Variants in SYN3 observed in about 807,000 individuals in gnomAD.
The protein encoded by SYN3 is synapsin III.
In SYN3, 35 loss-of-function variants were observed where a neutral mutation model predicts 65.8. The ratio of observed to expected loss-of-function variants is 0.53; its 90% CI spans 0.41 to 0.70. SYN3 has a LOEUF of 0.70. Ranked by LOEUF, SYN3 falls within the 30% of genes least tolerant of loss-of-function variation. The pLI is 0.00. For synonymous variants in SYN3, 270 were observed against 292.9 expected, an observed-to-expected ratio of 0.92 and a Z score of 0.80; for missense variants, 680 against 749.0, an observed-to-expected ratio of 0.91 and a Z score of 1.08.
intron 1 of SYN3, among the ~76,000 whole-genome samples, chr22:33,031,898 C>A (rs1429270640): frequency 6.6e-6 from 1 of 152,064 alleles, no homozygotes; most frequent in Non-Finnish European, 1.5e-5. Flanking sequence ...GCACAATGGA[C>A]CAACATTAAT....
At chr22:32,817,198 A>AT (rs2047109554) in intron 6 of SYN3, among the ~76,000 whole-genome samples, 1 of 151,592 alleles carries the variant, frequency 6.6e-6, no homozygotes. Flanking sequence ...AGCCAGGGTG[A>AT]CAGAGCAAGA....
At chr22:32,690,864 G>A (rs1378024234) in intron 6 of SYN3, among the ~76,000 whole-genome samples, 3 of 152,158 alleles carry the variant, frequency 2.0e-5, no homozygotes, top group Non-Finnish European at 2.9e-5. Flanking sequence ...TCATGAGCCT[G>A]CCCCCTGCAA....
At chr22:33,044,872 C>T (rs112710261) in intron 1 of SYN3, among the ~76,000 whole-genome samples, 62 of 146,192 alleles carry the variant, frequency 4.2e-4, no homozygotes, top group African/African-American at 1.4e-3. Context: ...GATGGAGTTT[C>T]GCTCTTGTTG....
intron 6 of SYN3, among the ~76,000 whole-genome samples, chr22:32,726,949 C>T (rs1016159904): frequency 6.6e-6 from 1 of 151,180 alleles, no homozygotes. Flanking sequence ...CCCTCCAATG[C>T]TTGCATTGAA....
chr22:33,043,042 A>C (rs1320167925), intron 1 of SYN3, among the ~76,000 whole-genome samples: 2 of 152,202 alleles, frequency 1.3e-5, no homozygotes, highest in East Asian at 3.9e-4. Context: ...GAAAGTTTCA[A>C]CCCAAGGACT....
At chr22:32,808,005 G>A (rs1174672280) in intron 6 of SYN3, among the ~76,000 whole-genome samples, 1 of 152,074 alleles carries the variant, frequency 6.6e-6, no homozygotes, top group Non-Finnish European at 1.5e-5. Flanking sequence ...TCTTTGAAAG[G>A]GAGCAAAATT....
At chr22:32,567,502 G>T (rs1365808041) in intron 7 of SYN3, among the ~76,000 whole-genome samples, 1 of 152,124 alleles carries the variant, frequency 6.6e-6, no homozygotes, top group African/African-American at 2.4e-5. Flanking sequence ...ATGGTTTTCT[G>T]CAAATTCTCA....
At chr22:32,631,455 G>T (rs2059747232) in intron 6 of SYN3, among the ~76,000 whole-genome samples, 1 of 152,156 alleles carries the variant, frequency 6.6e-6, no homozygotes, top group South Asian at 2.1e-4. Context: ...TAAGGCTGAA[G>T]TCTGCAAATC....
At chr22:32,732,020 G>A (rs972554898) in intron 6 of SYN3, among the ~76,000 whole-genome samples, 1 of 152,148 alleles carries the variant, frequency 6.6e-6, no homozygotes, top group Non-Finnish European at 1.5e-5. Context: ...GCTTAACATC[G>A]TGATCAGCAC....
At chr22:32,886,781 T>C (rs2049302200) in intron 4 of SYN3, among the ~76,000 whole-genome samples, 1 of 152,224 alleles carries the variant, frequency 6.6e-6, no homozygotes, top group African/African-American at 2.4e-5. Flanking sequence ...AGTGGAATCA[T>C]GAAATGTGTA....
At chr22:32,758,775 T>C (rs1468491051) in intron 6 of SYN3, among the ~76,000 whole-genome samples, 1 of 147,032 alleles carries the variant, frequency 6.8e-6, no homozygotes, top group African/African-American at 2.5e-5. Context: ...GAATTTAATA[T>C]GGAATTAGGT....
intron 7 of SYN3, among the ~76,000 whole-genome samples, chr22:32,569,561 C>CTGTATATATATATATATATATATA (rs1458371419): frequency 3.9e-5 from 2 of 51,736 alleles, no homozygotes; most frequent in African/African-American, 1.2e-4. Flanking sequence ...CTCTCTCTCT[C>CTGTATATATATATATATATATATA]TCTCTCTCTC....
chr22:32,978,196 G>C (rs1230326735), intron 3 of SYN3, among the ~76,000 whole-genome samples: 7 of 152,178 alleles, frequency 4.6e-5, no homozygotes, highest in African/African-American at 1.7e-4. Flanking sequence ...CGAGAGTTGA[G>C]GGTGGTCCAG....
At chr22:32,564,971 GTGCTCCTGGACTGCACCCAAA>G (rs2058647431) in intron 7 of SYN3, among the ~76,000 whole-genome samples, 1 of 146,792 alleles carries the variant, frequency 6.8e-6, no homozygotes, top group Non-Finnish European at 1.5e-5. Flanking sequence ...CACCCAAACA[GTGCTCCTGGACTGCACCCAAA>G]CAGTGCTCCC....
At chr22:32,798,231 C>T (rs1483981565) in intron 6 of SYN3, among the ~76,000 whole-genome samples, 1 of 152,084 alleles carries the variant, frequency 6.6e-6, no homozygotes, top group African/African-American at 2.4e-5. Flanking sequence ...AGTAAAATTT[C>T]TCTGTGGGCT....
chr22:32,619,780 T>C (rs560905038), intron 6 of SYN3, among the ~76,000 whole-genome samples: 1 of 152,328 alleles, frequency 6.6e-6, no homozygotes, highest in African/African-American at 2.4e-5. Context: ...AGCAGAAGTG[T>C]CCCAGTTCTG....
intron 6 of SYN3, among the ~76,000 whole-genome samples, chr22:32,633,520 A>G (rs924017406): frequency 6.6e-6 from 1 of 152,244 alleles, no homozygotes; most frequent in Non-Finnish European, 1.5e-5. Context: ...CATTAAGAAA[A>G]GAGGGGAATC....
chr22:32,540,768 A>G (rs1477285169), intron 8 of SYN3, among the ~76,000 whole-genome samples: 2 of 152,204 alleles, frequency 1.3e-5, no homozygotes, highest in African/African-American at 4.8e-5. Context: ...ATGCCTTCTT[A>G]TAAAGTTTTC....
chr22:32,588,526 T>G (rs1461361309), intron 7 of SYN3, among the ~76,000 whole-genome samples: 2 of 152,196 alleles, frequency 1.3e-5, no homozygotes, highest in Non-Finnish European at 2.9e-5. Flanking sequence ...ACAGGGTATA[T>G]TTGTAGTGTG....
Sources: gnomAD v4.1 joint callset for allele counts (sites outside exome capture counted in the v4.1 genomes callset) on GRCh38, gnomAD v4.1.1 for gene constraint, MANE v1.5 for transcripts, NCBI Gene and HGNC (gene_info 2026-07-23, HGNC 2026-07-21) for gene names.